Variants in SAGE1 observed in about 807,000 individuals in gnomAD.
SAGE1 encodes the protein sarcoma antigen 1, also known as cancer/testis antigen 14.
Under a neutral mutation model 55.4 loss-of-function variants are expected in SAGE1, and 55 were observed. That is an observed-to-expected ratio of 0.99 (90% CI 0.80 to 1.24). SAGE1 has a LOEUF of 1.24. Among genes scored for constraint, SAGE1 ranks in the 50% most tolerant of loss-of-function variants. The pLI, the probability that SAGE1 is intolerant of heterozygous loss-of-function variation, is 0.00. For synonymous variants in SAGE1, 240 were observed against 244.3 expected (o/e 0.98, Z 0.17); for missense variants, 710 against 704.4 (o/e 1.01, Z -0.09).
rs370272308 is a variant in SAGE1, at chrX:135,905,979, G to A, written c.455-45G>A. 7 of 1,121,530 alleles carry A rather than the reference G, an allele frequency of 6.2e-6. No individual in the cohort carries two copies. The African/African-American group carries it at 9.1e-5, about 15-fold the overall frequency. 92.4% of individuals were successfully genotyped at this position (1,121,530 alleles called of 1,213,427 possible). ...AGAGGGATATACCTGTGGCACTGAC[G>A]TAATGCACTTACCTCACAGCTTGAA... is the stretch of plus-strand genomic sequence containing the variant. On this transcript the variant is annotated intron_variant, in intron 5 of 19. Coordinates refer to ENST00000370709, the MANE Select transcript of SAGE1 (RefSeq NM_001381902.1).
chrX:135,898,175 A>G (rs1337806382), intron 2 of SAGE1, among the ~76,000 whole-genome samples: 3 of 109,552 alleles, frequency 2.7e-5, no homozygotes, highest in Non-Finnish European at 3.8e-5. Flanking sequence ...CCGCCACCAC[A>G]CCTGGCTAAT....
intron 2 of SAGE1, among the ~76,000 whole-genome samples, chrX:135,896,905 C>A (rs1206022619): frequency 9.0e-6 from 1 of 111,583 alleles, no homozygotes; most frequent in Non-Finnish European, 1.9e-5. Context: ...AGTTGTTCTG[C>A]AGATATGTAT....
chrX:135,904,439 A>T, intron 3 of SAGE1, 38 bp from the exon 4 acceptor site: 2 of 934,690 alleles, frequency 2.1e-6, no homozygotes, highest in Non-Finnish European at 3.1e-6. Context: ...GACATAATGC[A>T]CTTACCTCAC....
At chrX:135,912,590 A>G (rs1286305205) in intron 19 of SAGE1, 176 bp downstream of exon 19, 1 of 751,711 alleles carries the variant, frequency 1.3e-6, no homozygotes, top group Non-Finnish European at 1.6e-6. Context: ...TTCCAATACC[A>G]TGGAGGCTTC....
chrX:135,909,313 A>G (rs782811229), intron 13 of SAGE1, among the ~76,000 whole-genome samples: 10 of 112,015 alleles, frequency 8.9e-5, no homozygotes, highest in Non-Finnish European at 1.7e-4. Context: ...AGAGCACCTG[A>G]TACATTATTG....
chrX:135,909,564 A>G, intron 13 of SAGE1, 75 bp from the exon 14 acceptor site: 3 of 966,751 alleles, frequency 3.1e-6, no homozygotes, highest in Non-Finnish European at 4.2e-6. Flanking sequence ...TACAAACTGA[A>G]CATCAGAGGG....
Position 135,908,575 on chromosome X carries a change from A to C in SAGE1, c.1399A>C (p.Met467Leu). 8.3e-7 allele frequency: 1 copy of C among 1,204,972 alleles called. No individual in the cohort carries two copies. The highest frequency in any genetic ancestry group is 1.1e-6 in the Non-Finnish European group (1 of 892,340). Reference protein sequence around the residue: ...LSNVLSGLINMAGASIPAMSS... With the variant: ...LSNVLSGLINLAGASIPAMSS... The stretch of plus-strand genomic sequence containing the variant: ...AAATGTTCTATCCGGGCTTATTAAT[A>C]TGGCAGGAGCTAGTATTCCAGCAAT... Residue 467 changes from methionine (M) to leucine (L), a missense_variant, in exon 12 of 20, where the codon ATG becomes CTG. By Grantham distance (15) the Met-to-Leu change is conservative. Transcript: ENST00000370709.
At position 135,906,793 on chromosome X, in the gene SAGE1, G is replaced by A. The variant is rs1318042522; in HGVS notation, c.737-133G>A. The A allele has an allele frequency of 3.4e-5, 32 of 933,943 alleles. No homozygotes were observed. In the African/African-American group the frequency reaches 6.4e-4, roughly 19 times the overall value. 77.0% of individuals were successfully genotyped at this position (933,943 alleles called of 1,213,427 possible). The stretch of plus-strand genomic sequence containing the variant: ...GTCTTTCCTGGCCTCAATTTCAGGG[G>A]TCTCGTATGGCAACCTGGTATATCC... On this transcript the variant is annotated intron_variant, in intron 7 of 19. Transcript: ENST00000370709.
intron 2 of SAGE1, 111 bp from the exon 3 acceptor site, chrX:135,901,448 C>G: frequency 1.3e-6 from 1 of 797,483 alleles, no homozygotes; most frequent in Non-Finnish European, 1.8e-6. Flanking sequence ...TGACCTGTGA[C>G]TAAAACTTAC....
At chrX:135,901,812 C>T (rs2088684479) in intron 3 of SAGE1, 121 bp downstream of exon 3, 2 of 685,591 alleles carry the variant, frequency 2.9e-6, no homozygotes, top group Non-Finnish European at 4.3e-6. Flanking sequence ...TAATTAGGTG[C>T]AACAATTTGG....
intron 3 of SAGE1, among the ~76,000 whole-genome samples, chrX:135,902,532 A>G (rs2088697390): frequency 8.9e-6 from 1 of 112,233 alleles, no homozygotes; most frequent in South Asian, 3.7e-4. Context: ...GGATTGAGGA[A>G]TCCTGGTTTT....
chrX:135,907,231 G>A, intron 8 of SAGE1, 82 bp from the exon 9 acceptor site: 1 of 1,095,824 alleles, frequency 9.1e-7, no homozygotes, highest in Non-Finnish European at 1.2e-6. Flanking sequence ...TAATTTCTTA[G>A]AAGCTGAGCA....
intron 9 of SAGE1, 65 bp from the exon 10 acceptor site, chrX:135,907,636 G>A: frequency 8.8e-7 from 1 of 1,131,682 alleles, no homozygotes; most frequent in Non-Finnish European, 1.2e-6. Context: ...GCATCAGAGG[G>A]ATATACCTGT....
At chrX:135,910,669 G>A in intron 16 of SAGE1, 114 bp downstream of exon 16, 1 of 660,411 alleles carries the variant, frequency 1.5e-6, no homozygotes. Context: ...AGTTTGAGGG[G>A]TATCATATGT....
At chrX:135,896,812 G>A (rs1410536423) in intron 2 of SAGE1, among the ~76,000 whole-genome samples, 4 of 110,664 alleles carry the variant, frequency 3.6e-5, no homozygotes, top group Non-Finnish European at 5.7e-5. Context: ...CGCCCACCTC[G>A]CCTCCCAAAG....
chrX:135,910,680 C>A, intron 16 of SAGE1, 125 bp downstream of exon 16: 1 of 593,711 alleles, frequency 1.7e-6, no homozygotes, highest in Non-Finnish European at 2.7e-6. Context: ...TATCATATGT[C>A]CACCTGGCAT....
chrX:135,897,010 G>A (rs1387729589), intron 2 of SAGE1, among the ~76,000 whole-genome samples: 1 of 111,746 alleles, frequency 8.9e-6, no homozygotes, highest in African/African-American at 3.3e-5. Flanking sequence ...GGGTTTGAAC[G>A]CATATCTTTC....
chrX:135,907,012 G>A lies in SAGE1; in HGVS notation c.823G>A (p.Gly275Arg), dbSNP rs1164604557. The change falls in exon 8 of 20, where the codon GGG becomes AGG. Residue 275 changes from glycine (G) to arginine (R), a missense_variant. Gly to Arg is a moderately radical substitution (Grantham distance 125, BLOSUM62 -2). Coordinates refer to ENST00000370709, the MANE Select transcript of SAGE1 (RefSeq NM_001381902.1). Reference protein sequence around the residue: ...PDNILSTASTGLINVAGAGTP... With the variant: ...PDNILSTASTRLINVAGAGTP... The stretch of plus-strand genomic sequence containing the variant: ...TAACATCTTGTCAACTGCTTCAACA[G>A]GGCTTATTAATGTGGCAGGAGCTGG... 8.3e-7 allele frequency: 1 copy of A among 1,208,948 alleles called. No individual in the cohort carries two copies. The highest frequency in any genetic ancestry group is 1.1e-6 in the Non-Finnish European group (1 of 894,418).
chrX:135,910,375 A>G, intron 15 of SAGE1, 40 bp from the exon 16 acceptor site: 1 of 1,200,095 alleles, frequency 8.3e-7, no homozygotes, highest in Non-Finnish European at 1.1e-6. Flanking sequence ...GGTTGACATA[A>G]TGCACTTACC....
Sources: gnomAD v4.1 joint callset for allele counts (sites outside exome capture counted in the v4.1 genomes callset) on GRCh38, gnomAD v4.1.1 for gene constraint, MANE v1.5 for transcripts, NCBI Gene and HGNC (gene_info 2026-07-23, HGNC 2026-07-21) for gene names.